DPP6: variants seen among roughly 807,000 people sequenced by gnomAD.
DPP6 encodes the protein dipeptidyl peptidase like 6.
Under a neutral mutation model 122.6 loss-of-function variants are expected in DPP6, and 69 were observed. That is an observed-to-expected ratio of 0.56 (90% CI 0.46 to 0.69). The LOEUF is 0.69. DPP6 is among the 30% of genes least tolerant of loss of function. DPP6 has a pLI of 0.00. For synonymous variants in DPP6, 418 were observed against 433.1 expected, an observed-to-expected ratio of 0.97 and a Z score of 0.43; for missense variants, 928 against 1,116.9, an observed-to-expected ratio of 0.83 and a Z score of 2.41.
intron 1 of DPP6, among the ~76,000 whole-genome samples, chr7:154,327,103 A>G (rs1251010398): frequency 6.6e-6 from 1 of 152,066 alleles, no homozygotes; most frequent in Non-Finnish European, 1.5e-5. Flanking sequence ...CCCACAGGTC[A>G]TTTGGGGGGT....
chr7:154,443,492 G>T (rs1262235495), intron 1 of DPP6, among the ~76,000 whole-genome samples: 7 of 128,500 alleles, frequency 5.4e-5, no homozygotes, highest in Non-Finnish European at 1.1e-4. Context: ...ATGGATGGAT[G>T]TGGATTGACA....
chr7:154,111,039 G>C (rs113212777), intron 1 of DPP6, among the ~76,000 whole-genome samples: 1 of 152,192 alleles, frequency 6.6e-6, no homozygotes, highest in African/African-American at 2.4e-5. Context: ...GGGAGGTTCT[G>C]TTCATTCTGA....
intron 1 of DPP6, among the ~76,000 whole-genome samples, chr7:154,272,715 T>A (rs997668088): frequency 1.6e-4 from 24 of 152,290 alleles, no homozygotes; most frequent in African/African-American, 4.3e-4. Context: ...GGGGCCTCAA[T>A]AGAGCCTGAG....
At chr7:153,900,538 A>C (rs765016027) in intron 1 of DPP6, among the ~76,000 whole-genome samples, 28 of 152,190 alleles carry the variant, frequency 1.8e-4, no homozygotes, top group Non-Finnish European at 3.1e-4. Context: ...AGGGAACAAG[A>C]GAGAGAGGAA....
intron 10 of DPP6, among the ~76,000 whole-genome samples, chr7:154,788,772 G>C (rs182040017): frequency 6.6e-6 from 1 of 151,894 alleles, no homozygotes; most frequent in South Asian, 2.1e-4. Context: ...TTTGGTTATC[G>C]TGTCTGTAGC....
intron 1 of DPP6, among the ~76,000 whole-genome samples, chr7:154,272,143 G>A (rs1474364067): frequency 6.6e-6 from 1 of 152,226 alleles, no homozygotes; most frequent in Non-Finnish European, 1.5e-5. Context: ...CTGGCTGCCA[G>A]CACAGTGCCT....
intron 7 of DPP6, among the ~76,000 whole-genome samples, chr7:154,695,712 G>A (rs770381085): frequency 6.6e-6 from 1 of 152,204 alleles, no homozygotes; most frequent in Non-Finnish European, 1.5e-5. Context: ...AGGCTGTGAG[G>A]TGGCTGGCGC....
chr7:153,960,655 A>G (rs903324732), intron 1 of DPP6, among the ~76,000 whole-genome samples: 3 of 111,790 alleles, frequency 2.7e-5, no homozygotes, highest in Non-Finnish European at 3.9e-5. Context: ...GTGTGTGTGC[A>G]TGTGTGTGCG....
intron 1 of DPP6, among the ~76,000 whole-genome samples, chr7:154,127,136 T>A (rs1164153757): frequency 6.6e-6 from 1 of 152,214 alleles, no homozygotes; most frequent in African/African-American, 2.4e-5. Flanking sequence ...AACATAACGC[T>A]AACCTTGCAG....
At chr7:153,964,042 C>G (rs7804357) in intron 1 of DPP6, among the ~76,000 whole-genome samples, 1 of 152,092 alleles carries the variant, frequency 6.6e-6, no homozygotes, top group Non-Finnish European at 1.5e-5. Flanking sequence ...GTTGCCCAAC[C>G]TGGATTGCAG....
chr7:153,842,446 T>C, the DPP6 span, among the ~76,000 whole-genome samples: 1 of 152,154 alleles, frequency 6.6e-6, no homozygotes, highest in Non-Finnish European at 1.5e-5. Flanking sequence ...TCTTTTTTTG[T>C]GTGAGATACA....
At chr7:154,887,822 T>C in intron 23 of DPP6, 88 bp downstream of exon 23, 1 of 1,457,678 alleles carries the variant, frequency 6.9e-7, no homozygotes, top group Admixed American at 1.7e-5. Flanking sequence ...TGGCCCACTC[T>C]GCCTTCCCCA....
chr7:154,124,138 C>T (rs1426456663), intron 1 of DPP6, among the ~76,000 whole-genome samples: 1 of 152,136 alleles, frequency 6.6e-6, no homozygotes, highest in African/African-American at 2.4e-5. Flanking sequence ...TGAAGTTCCA[C>T]TCCTCCACTT....
At chr7:154,536,386 A>G (rs1282374991) in intron 3 of DPP6, among the ~76,000 whole-genome samples, 1 of 152,170 alleles carries the variant, frequency 6.6e-6, no homozygotes, top group Non-Finnish European at 1.5e-5. Flanking sequence ...ATTTTTGTCA[A>G]TGGAAAAATA....
At chr7:153,829,222 C>G in the DPP6 span, among the ~76,000 whole-genome samples, 1 of 152,028 alleles carries the variant, frequency 6.6e-6, no homozygotes, top group East Asian at 1.9e-4. Flanking sequence ...GTCCTCCTCC[C>G]TTTTATTTTG....
At chr7:154,305,695 T>A in intron 1 of DPP6, 2 of 1,258,902 alleles carry the variant, frequency 1.6e-6, no homozygotes, top group South Asian at 3.0e-5. Context: ...TTTATGACTG[T>A]AGCCCCCTGA....
intron 1 of DPP6, among the ~76,000 whole-genome samples, chr7:154,152,230 G>A (rs971228904): frequency 6.6e-6 from 1 of 152,100 alleles, no homozygotes; most frequent in African/African-American, 2.4e-5. Context: ...AAGAGAGCAG[G>A]TGAAGGAGGA....
chr7:154,471,885 T>C (rs1822310476), intron 2 of DPP6, among the ~76,000 whole-genome samples: 1 of 152,196 alleles, frequency 6.6e-6, no homozygotes, highest in Admixed American at 6.5e-5. Context: ...TTAGATATAT[T>C]AGATATTAAA....
At position 154,772,935 on chromosome 7, in the gene DPP6, C is replaced by T. The variant is rs747008774; in HGVS notation, c.1129C>T (p.Arg377Trp). 5.0e-6 allele frequency: 8 copies of T among 1,597,598 alleles called. No individual in the cohort carries two copies. Among genetic ancestry groups the T allele is most frequent in the South Asian group, 2.3e-5 (2 of 87,840 alleles). ...GGAGATGATGCCGCCTGATGATCCA[C>T]GGATGAGGTTTGCTTCCTTCTATTA... Reference protein sequence around the residue: ...DLEMMPPDDPRMREYYITMVK... With the variant: ...DLEMMPPDDPWMREYYITMVK... The change falls in exon 10 of 26, where the codon CGG becomes TGG. Residue 377 changes from arginine (R) to tryptophan (W), a missense_variant. Coordinates refer to ENST00000377770, the MANE Select transcript of DPP6 (RefSeq NM_130797.4).
Sources: gnomAD v4.1 joint callset for allele counts (sites outside exome capture counted in the v4.1 genomes callset) on GRCh38, gnomAD v4.1.1 for gene constraint, MANE v1.5 for transcripts, NCBI Gene and HGNC (gene_info 2026-07-23, HGNC 2026-07-21) for gene names.